Variants in ZFC3H1 observed in about 807,000 individuals in gnomAD.
ZFC3H1 encodes the protein zinc finger C3H1 domain-containing protein.
A neutral mutation model predicts 243.7 loss-of-function variants in ZFC3H1; 71 were observed. The ratio of observed to expected loss-of-function variants is 0.29; its 90% CI spans 0.24 to 0.36. The LOEUF (loss-of-function observed/expected upper bound fraction) is 0.36, where lower values mean the gene tolerates loss of function less well. ZFC3H1 is among the 10% of genes least tolerant of loss of function. The pLI is 1.00. For synonymous variants in ZFC3H1, 838 were observed against 813.0 expected (o/e 1.03, Z -0.52); for missense variants, 1,966 against 2,317.1 (o/e 0.85, Z 3.11).
intron 27 of ZFC3H1, among the ~76,000 whole-genome samples, chr12:71,617,135 T>G (rs1879911745): frequency 6.6e-6 from 1 of 152,226 alleles, no homozygotes; most frequent in Non-Finnish European, 1.5e-5. Context: ...CAATTTCTAC[T>G]CATGAAATTT....
chr12:71,638,575 A>G, intron 6 of ZFC3H1, 60 bp from the exon 7 acceptor site: 1 of 1,335,802 alleles, frequency 7.5e-7, no homozygotes, highest in Non-Finnish European at 1.0e-6. Flanking sequence ...GGAATATATT[A>G]AGTTTATGTT....
At chr12:71,620,815 T>G (rs1172369710) in intron 24 of ZFC3H1, among the ~76,000 whole-genome samples, 2 of 152,206 alleles carry the variant, frequency 1.3e-5, no homozygotes, top group African/African-American at 4.8e-5. Context: ...TTTTTGCCAC[T>G]TATTAAACGG....
In ZFC3H1 at chr12:71,663,472, C is replaced by CGCCGCT; in HGVS notation, c.133_138dup (p.Ser45_Gly46dup). On this transcript the variant is annotated inframe_insertion, in exon 1 of 35. Transcript: ENST00000378743. ...CGCCGCGGATAGGGTAACAGCCCGC[C>CGCCGCT]GCCGCTGCTGCTGCTGCTGCTCCGA... 1 of 1,612,884 alleles carries CGCCGCT rather than the reference C, an allele frequency of 6.2e-7. No homozygotes were observed. The highest frequency in any genetic ancestry group is 8.5e-7 in the Non-Finnish European group (1 of 1,180,034).
chr12:71,660,021 T>C (rs1227631949), intron 1 of ZFC3H1, among the ~76,000 whole-genome samples: 1 of 152,212 alleles, frequency 6.6e-6, no homozygotes, highest in Non-Finnish European at 1.5e-5. Context: ...GTTTATTCTA[T>C]TTCTTTAAAG....
Position 71,629,010 on chromosome 12 carries a change from T to C in ZFC3H1, c.3854A>G (p.Lys1285Arg), listed in dbSNP as rs777610447. ...CCAAAACTTTGGCTTCCACTTTCTT[T>C]TATCTTTGTAGGTTGTAAATGGAGG... The part of the protein sequence containing the change: ...HTPPFTTYKD[K>R]RKWKPKFWRK... The change falls in exon 20 of 35, where the codon AAA becomes AGA. Residue 1285 changes from lysine (K) to arginine (R), a missense_variant. By Grantham distance (26) the Lys-to-Arg change is conservative. Coordinates refer to ENST00000378743, the MANE Select transcript of ZFC3H1 (RefSeq NM_144982.5). The C allele has an allele frequency of 5.6e-6, 9 of 1,612,856 alleles. No homozygotes were observed. In the East Asian group the frequency reaches 2.0e-4, roughly 36 times the overall value.
chr12:71,613,927 T>C (rs1250921012), intron 30 of ZFC3H1, among the ~76,000 whole-genome samples: 1 of 152,138 alleles, frequency 6.6e-6, no homozygotes, highest in East Asian at 1.9e-4. Context: ...TAGTCTACAA[T>C]GAGCTTTAGC....
intron 2 of ZFC3H1, among the ~76,000 whole-genome samples, chr12:71,649,643 GA>G (rs1197279118): frequency 6.6e-6 from 1 of 151,876 alleles, no homozygotes; most frequent in African/African-American, 2.4e-5. Context: ...TCCCACTGTA[GA>G]AAAAATGATC....
intron 27 of ZFC3H1, among the ~76,000 whole-genome samples, chr12:71,618,400 A>C (rs565156895): frequency 6.6e-6 from 1 of 151,962 alleles, no homozygotes; most frequent in Non-Finnish European, 1.5e-5. Context: ...TTTTTTGGGG[A>C]GATATTCAGC....
chr12:71,627,977 T>G (rs1880212668), intron 20 of ZFC3H1, 43 bp from the exon 21 acceptor site: 2 of 1,560,012 alleles, frequency 1.3e-6, no homozygotes, highest in Admixed American at 1.9e-5. Flanking sequence ...TTTTCTTTAG[T>G]CCACAGATGC....
chr12:71,636,434 C>T, intron 9 of ZFC3H1, 56 bp downstream of exon 9: 1 of 1,525,312 alleles, frequency 6.6e-7, no homozygotes, highest in Non-Finnish European at 8.8e-7. Flanking sequence ...AGCTAAACTT[C>T]ATAGAAATTT....
chr12:71,633,517 A>AT, intron 12 of ZFC3H1, 79 bp from the exon 13 acceptor site: 1 of 1,206,126 alleles, frequency 8.3e-7, no homozygotes, highest in Non-Finnish European at 1.1e-6. Context: ...TTTCAAAGTA[A>AT]TAACACAATT....
intron 19 of ZFC3H1, among the ~76,000 whole-genome samples, chr12:71,629,309 G>A (rs897405100): frequency 7.9e-5 from 12 of 151,736 alleles, no homozygotes; most frequent in African/African-American, 2.2e-4. Flanking sequence ...GAGGCTGCAG[G>A]CACACGCCAC....
intron 2 of ZFC3H1, among the ~76,000 whole-genome samples, chr12:71,649,473 C>CA (rs1380082304): frequency 3.9e-5 from 6 of 152,184 alleles, no homozygotes; most frequent in Non-Finnish European, 5.9e-5. Context: ...CTCCATTTCA[C>CA]ATGCAAAGCT....
In ZFC3H1 at chr12:71,644,333, C is replaced by G. The variant is rs137927951; in HGVS notation, c.1280-15G>C. 7.2e-5 allele frequency: 115 copies of G among 1,607,056 alleles called. No homozygotes were observed. In the African/African-American group the frequency reaches 1.4e-3, roughly 20 times the overall value. On this transcript the variant is annotated splice_polypyrimidine_tract_variant and intron_variant, in intron 4 of 34. Coordinates refer to ENST00000378743, the MANE Select transcript of ZFC3H1 (RefSeq NM_144982.5). ...TGCTTGTTTAGCTTTAAATAAAAAA[C>G]ACATAAACATTAGCATCTGTTAGGA...
chr12:71,659,360 T>C (rs1881105127), intron 1 of ZFC3H1, among the ~76,000 whole-genome samples: 1 of 152,230 alleles, frequency 6.6e-6, no homozygotes, highest in Admixed American at 6.5e-5. Flanking sequence ...TGCTTTCCTT[T>C]CCAAACTTAC....
At chr12:71,629,077 G>T (rs1880246249) in intron 19 of ZFC3H1, 40 bp from the exon 20 acceptor site, 14 of 1,351,038 alleles carry the variant, frequency 1.0e-5, no homozygotes, top group East Asian at 5.5e-5. Context: ...GATATAACTA[G>T]TTTTTTTTTT....
intron 1 of ZFC3H1, among the ~76,000 whole-genome samples, chr12:71,660,004 G>C (rs578046662): frequency 6.6e-6 from 1 of 152,130 alleles, no homozygotes; most frequent in Non-Finnish European, 1.5e-5. Flanking sequence ...AACTGCAATT[G>C]AATCTAGTTT....
chr12:71,638,225 G>A (rs1469949749), intron 7 of ZFC3H1, among the ~76,000 whole-genome samples, 193 bp downstream of exon 7: 2 of 152,010 alleles, frequency 1.3e-5, no homozygotes, highest in African/African-American at 4.8e-5. Flanking sequence ...TTAAAAATTA[G>A]CTATGAAAAA....
intron 33 of ZFC3H1, 83 bp from the exon 34 acceptor site, chr12:71,610,840 A>G (rs1879749921): frequency 4.7e-6 from 7 of 1,475,832 alleles, no homozygotes; most frequent in African/African-American, 1.4e-5. Context: ...AAGAATGGTA[A>G]TTCACAATAA....
Sources: gnomAD v4.1 joint callset for allele counts (sites outside exome capture counted in the v4.1 genomes callset) on GRCh38, gnomAD v4.1.1 for gene constraint, MANE v1.5 for transcripts, NCBI Gene and HGNC (gene_info 2026-07-23, HGNC 2026-07-21) for gene names.